The following DENND5A variants were observed in gnomAD, a reference collection of about 807,000 sequenced individuals.
DENND5A encodes DENN domain containing 5A.
A neutral mutation model predicts 140.3 loss-of-function variants in DENND5A; 64 were observed. The ratio of observed to expected loss-of-function variants is 0.46; its 90% CI spans 0.37 to 0.56. The LOEUF is 0.56. DENND5A is among the 20% of genes least tolerant of loss of function. The pLI is 0.00. For missense variants in DENND5A, 1,292 were observed against 1,593.8 expected (o/e 0.81, Z 3.22); for synonymous variants, 605 against 607.7 (o/e 1.00, Z 0.07).
Position 9,179,020 on chromosome 11 carries a change from A to C in DENND5A, c.1509T>G (p.Asp503Glu), listed in dbSNP as rs771014056. 1 of 1,614,172 alleles carries C rather than the reference A, an allele frequency of 6.2e-7. No homozygotes were observed. The highest frequency in any genetic ancestry group is 8.5e-7 in the Non-Finnish European group (1 of 1,180,018). Residue 503 changes from aspartate to glutamate, a missense_variant, in exon 7 of 23, where the codon GAT becomes GAG. Coordinates refer to ENST00000328194, the MANE Select transcript of DENND5A (RefSeq NM_015213.4). ...GCTGGTAAATCCTGAGTTCTTCTTC[A>C]TCACACTGAACTTTGAGATCCTTAT... ...SSNKDLKVQC[D>E]EEELRIYQLN... is the part of the protein sequence containing the mutation.
chr11:9,212,325 G>A (rs912603504), intron 1 of DENND5A, among the ~76,000 whole-genome samples: 6 of 152,144 alleles, frequency 3.9e-5, no homozygotes, highest in African/African-American at 1.4e-4. Flanking sequence ...AGTTCCAGAA[G>A]GAAAATAGAA....
Position 9,237,861 on chromosome 11 carries a change from C to T in DENND5A, c.109+27100G>A, listed in dbSNP as rs556029949. 2.0e-5 allele frequency among the ~76,000 whole-genome samples: 3 copies of T among 152,132 alleles called. No homozygotes were observed. In the East Asian group the frequency reaches 5.8e-4, roughly 29 times the overall value. ...TTACACCACTGCATTTCAGCCTGGGCGACAGAGCGAGGCTCCATTTCAAAA... is the reference window on the plus strand; with the variant it reads ...TTACACCACTGCATTTCAGCCTGGGTGACAGAGCGAGGCTCCATTTCAAAA... On this transcript the variant is annotated intron_variant, in intron 1 of 22. Coordinates refer to ENST00000328194, the MANE Select transcript of DENND5A (RefSeq NM_015213.4).
chr11:9,192,735 T>C (rs542515445), intron 5 of DENND5A, among the ~76,000 whole-genome samples: 2 of 152,056 alleles, frequency 1.3e-5, no homozygotes, highest in Non-Finnish European at 2.9e-5. Context: ...TACTCCAAAG[T>C]CTTCTTCCCA....
chr11:9,174,695 A>T (rs1213199847), intron 8 of DENND5A, among the ~76,000 whole-genome samples: 1 of 151,444 alleles, frequency 6.6e-6, no homozygotes, highest in East Asian at 1.9e-4. Context: ...GCGAGACCCC[A>T]TCAACATTAA....
At chr11:9,263,594 G>T (rs1412832037) in intron 1 of DENND5A, among the ~76,000 whole-genome samples, 3 of 145,756 alleles carry the variant, frequency 2.1e-5, no homozygotes, top group Non-Finnish European at 4.5e-5. Context: ...TGTAATCCCA[G>T]CACTTTGGGA....
At chr11:9,250,532 A>G (rs893442017) in intron 1 of DENND5A, among the ~76,000 whole-genome samples, 1 of 152,142 alleles carries the variant, frequency 6.6e-6, no homozygotes, top group Non-Finnish European at 1.5e-5. Context: ...CACATCTATA[A>G]TTTTAAAAAA....
chr11:9,261,444 T>G (rs528118029), intron 1 of DENND5A, among the ~76,000 whole-genome samples: 3 of 152,096 alleles, frequency 2.0e-5, no homozygotes, highest in Admixed American at 6.6e-5. Context: ...CCCTGGAGAC[T>G]CTCAGGAAGA....
chr11:9,245,776 G>T (rs1590331948), intron 1 of DENND5A, among the ~76,000 whole-genome samples: 2 of 152,042 alleles, frequency 1.3e-5, no homozygotes, highest in Admixed American at 1.3e-4. Flanking sequence ...TGGGACTACA[G>T]GCGTGGACCA....
At chr11:9,155,942 TTCTC>T (rs1347534883) in intron 12 of DENND5A, among the ~76,000 whole-genome samples, 1 of 152,050 alleles carries the variant, frequency 6.6e-6, no homozygotes. Flanking sequence ...GCTGTTTGGG[TTCTC>T]TCTACTTTCT....
intron 8 of DENND5A, among the ~76,000 whole-genome samples, chr11:9,176,544 C>A (rs1021757921): frequency 6.6e-6 from 1 of 152,078 alleles, no homozygotes; most frequent in Non-Finnish European, 1.5e-5. Context: ...GGGTACAATG[C>A]CAGAAGAATG....
chr11:9,169,768 G>C (rs1848310678), intron 10 of DENND5A, 88 bp downstream of exon 10: 1 of 868,506 alleles, frequency 1.2e-6, no homozygotes, highest in Non-Finnish European at 1.9e-6. Context: ...TGAGACGTTT[G>C]AATCAGACCA....
At chr11:9,221,474 G>A (rs1850309514) in intron 1 of DENND5A, among the ~76,000 whole-genome samples, 1 of 151,704 alleles carries the variant, frequency 6.6e-6, no homozygotes, top group Admixed American at 6.6e-5. Flanking sequence ...CACTGAATAG[G>A]TCCCAACCCA....
intron 4 of DENND5A, among the ~76,000 whole-genome samples, chr11:9,201,968 A>C (rs1190087067): frequency 2.0e-5 from 3 of 152,194 alleles, no homozygotes; most frequent in African/African-American, 7.2e-5. Flanking sequence ...AGTATCACCA[A>C]AAATGAGACA....
rs184864339 is a variant in DENND5A at position 9,173,927 on chromosome 11, C to T, written c.1907-3150G>A. 9.2e-5 allele frequency among the ~76,000 whole-genome samples: 14 copies of T among 151,680 alleles called. No individual in the cohort carries two copies. The East Asian group carries it at 2.7e-3, about 29-fold the overall frequency. Reference sequence around the variant, plus strand: ...AGAGATCAAGACCACGGTGAAACCCCGTCTCTACTAAAAATACAAAAAATT... The same window carrying T: ...AGAGATCAAGACCACGGTGAAACCCTGTCTCTACTAAAAATACAAAAAATT... On this transcript the variant is annotated intron_variant, in intron 8 of 22. Coordinates refer to ENST00000328194, the MANE Select transcript of DENND5A (RefSeq NM_015213.4).
intron 8 of DENND5A, among the ~76,000 whole-genome samples, chr11:9,172,500 G>C (rs1025972214): frequency 3.3e-5 from 5 of 152,166 alleles, no homozygotes; most frequent in African/African-American, 7.2e-5. Flanking sequence ...GTGGTGGGAG[G>C]GACCCAGTGG....
At chr11:9,146,904 G>T in intron 16 of DENND5A, 126 bp downstream of exon 16, 1 of 1,152,354 alleles carries the variant, frequency 8.7e-7, no homozygotes, top group Non-Finnish European at 1.2e-6. Flanking sequence ...TCCCCACAGA[G>T]GCAAAAGACA....
At position 9,160,685 on chromosome 11, in the gene DENND5A, C is replaced by G. The variant is rs561889581; in HGVS notation, c.2436+28G>C. Reference sequence around the variant, plus strand: ...ACTGAAAACAGGAAGACAATTTGCTCAGCAATGAGAGGCAAGACATACATT... The same window carrying G: ...ACTGAAAACAGGAAGACAATTTGCTGAGCAATGAGAGGCAAGACATACATT... On this transcript the variant is annotated intron_variant, in intron 12 of 22. Transcript: ENST00000328194. 5 of 1,585,488 alleles carry G rather than the reference C, an allele frequency of 3.2e-6. No individual in the cohort carries two copies. The South Asian group carries it at 5.6e-5, about 18-fold the overall frequency.
chr11:9,157,910 C>G (rs969567908), intron 12 of DENND5A, among the ~76,000 whole-genome samples: 3 of 152,146 alleles, frequency 2.0e-5, no homozygotes, highest in Admixed American at 6.5e-5. Flanking sequence ...TTAAAGTCAT[C>G]CAGTGGAGCC....
At chr11:9,145,963 GA>G in intron 16 of DENND5A, 148 bp from the exon 17 acceptor site, 1 of 831,614 alleles carries the variant, frequency 1.2e-6, no homozygotes, top group East Asian at 2.4e-5. Context: ...AGGGCCCCAG[GA>G]CCTAGTCCCT....
Sources: allele counts gnomAD v4.1 joint callset (sites outside exome capture counted in the v4.1 genomes callset), GRCh38; gene constraint gnomAD v4.1.1; transcripts MANE v1.5; gene names NCBI Gene and HGNC (gene_info 2026-07-23, HGNC 2026-07-21).